The following TIAM1 variants were observed in gnomAD, a reference collection of about 807,000 sequenced individuals.
TIAM1 encodes rho guanine nucleotide exchange factor TIAM1.
In TIAM1, 65 loss-of-function variants were observed where a neutral mutation model predicts 163.5. The observed-to-expected ratio is 0.40, with a 90% CI of 0.33 to 0.49. The LOEUF (loss-of-function observed/expected upper bound fraction) is 0.49, where lower values mean the gene tolerates loss of function less well. Ranked by LOEUF, TIAM1 falls within the 20% of genes least tolerant of loss-of-function variation. The probability of loss-of-function intolerance (pLI) is 0.77; values close to 1 mark genes in which losing one functional copy is unlikely to be tolerated. For synonymous variants in TIAM1, 833 were observed against 810.1 expected (o/e 1.03, Z -0.48); for missense variants, 1,789 against 2,044.7 (o/e 0.87, Z 2.41).
In TIAM1 at chr21:31,266,842, G is replaced by A. The variant is rs374787879; in HGVS notation, c.131C>T (p.Ser44Leu). The change falls in exon 4 of 28, where the codon TCG (serine) becomes TTG (leucine). Residue 44 changes from serine to leucine, a missense_variant. Transcript: ENST00000541036. ...HKTRRTRHAS[S>L]GKVIHRNSEV... ...GGAGTTCCTGTGGATCACCTTCCCC[G>A]AGGAAGCGTGCCTGGTCCTCCGCGT... 1.6e-5 allele frequency: 26 copies of A among 1,614,048 alleles called. No individual in the cohort carries two copies. The highest frequency in any genetic ancestry group is 2.7e-5 in the African/African-American group (2 of 74,938).
chr21:31,193,065 C>G (rs1690458376), intron 13 of TIAM1, among the ~76,000 whole-genome samples: 1 of 152,172 alleles, frequency 6.6e-6, no homozygotes. Flanking sequence ...ACTCAGGCAC[C>G]AACTCTGTTA....
At chr21:31,474,031 G>A (rs1438534494) in intron 1 of TIAM1, among the ~76,000 whole-genome samples, 3 of 152,176 alleles carry the variant, frequency 2.0e-5, no homozygotes, top group Non-Finnish European at 4.4e-5. Context: ...GGCAAAGGGG[G>A]AGCAGACATG....
At chr21:31,245,235 C>T (rs1181960043) in intron 6 of TIAM1, among the ~76,000 whole-genome samples, 1 of 152,106 alleles carries the variant, frequency 6.6e-6, no homozygotes, top group Non-Finnish European at 1.5e-5. Flanking sequence ...GCAAGTTTCT[C>T]ACATCCAACT....
chr21:31,427,491 AAAT>A (rs2147271287), intron 2 of TIAM1, among the ~76,000 whole-genome samples: 1 of 151,928 alleles, frequency 6.6e-6, no homozygotes, highest in South Asian at 2.1e-4. Flanking sequence ...TGTCTCAAAA[AAAT>A]AATAATAAAT....
intron 2 of TIAM1, among the ~76,000 whole-genome samples, chr21:31,328,494 C>G (rs2075567613): frequency 6.6e-6 from 1 of 152,084 alleles, no homozygotes; most frequent in Admixed American, 6.5e-5. Context: ...CCTCAGCCTC[C>G]TGAGTAGCTG....
chr21:31,391,894 G>T (rs1316179472), intron 2 of TIAM1, among the ~76,000 whole-genome samples: 1 of 152,124 alleles, frequency 6.6e-6, no homozygotes. Flanking sequence ...CTTGACAATG[G>T]CACAAAAGCA....
intron 8 of TIAM1, among the ~76,000 whole-genome samples, chr21:31,222,391 C>A (rs546367011): frequency 6.6e-5 from 10 of 152,202 alleles, no homozygotes; most frequent in African/African-American, 2.2e-4. Flanking sequence ...CACAAAGCTG[C>A]TCGCAATTTA....
chr21:31,424,436 G>A (rs1039592401), intron 2 of TIAM1, among the ~76,000 whole-genome samples: 6 of 152,228 alleles, frequency 3.9e-5, no homozygotes, highest in Non-Finnish European at 7.4e-5. Flanking sequence ...CGGTGTAGAC[G>A]TTCCATGGAA....
intron 2 of TIAM1, among the ~76,000 whole-genome samples, chr21:31,384,621 T>C (rs2076835008): frequency 6.6e-6 from 1 of 152,116 alleles, no homozygotes. Context: ...TGAATTATTC[T>C]GTATCGTCTC....
chr21:31,452,731 CT>C lies in TIAM1; in HGVS notation c.-369+11251del, dbSNP rs2044914704. On this transcript the variant is annotated intron_variant, in intron 2 of 28. Coordinates refer to the TIAM1 transcript ENST00000286827. ...AAAAGTAATAAAAGCTCTAATAAATCTACTACAAAGTCACTGCAAAAAGTAG... is the reference window on the plus strand; with the variant it reads ...AAAAGTAATAAAAGCTCTAATAAATCACTACAAAGTCACTGCAAAAAGTAG... 1.3e-5 allele frequency: 6 copies of C among 468,350 alleles called. No individual in the cohort carries two copies. In the Admixed American group the frequency reaches 1.7e-4, roughly 13 times the overall value. The allele number at this position is 468,350 out of a possible 1,614,324, so 29.0% of individuals were successfully genotyped here.
At chr21:31,248,958 T>C (rs948868279) in intron 5 of TIAM1, among the ~76,000 whole-genome samples, 9 of 151,492 alleles carry the variant, frequency 5.9e-5, no homozygotes, top group Non-Finnish European at 1.0e-4. Context: ...CCCTCTGATA[T>C]GTCCCAAGTA....
intron 2 of TIAM1, among the ~76,000 whole-genome samples, chr21:31,428,892 A>T (rs919766254): frequency 6.6e-5 from 10 of 151,936 alleles, no homozygotes; most frequent in African/African-American, 2.4e-4. Context: ...CAAAAAAAAA[A>T]AAAAGTAAAA....
At chr21:31,279,589 G>A (rs1231518244) in intron 2 of TIAM1, among the ~76,000 whole-genome samples, 6 of 152,062 alleles carry the variant, frequency 3.9e-5, no homozygotes, top group Non-Finnish European at 7.3e-5. Context: ...CGTGACTTGG[G>A]GCAAACTCTA....
chr21:31,154,271 C>T lies in TIAM1; in HGVS notation c.3147G>A (p.Leu1049=), dbSNP rs374460622. The T allele has an allele frequency of 5.0e-6, 8 of 1,613,916 alleles. No individual in the cohort carries two copies. Among genetic ancestry groups the T allele is most frequent in the Non-Finnish European group, 6.8e-6 (8 of 1,180,008 alleles). Residue 1049 remains leucine, a synonymous_variant, in exon 17 of 28, where the codon CTG becomes CTA. Transcript: ENST00000541036. The part of the protein sequence containing the change: ...DKLRKVICEL[L]ETERTYVKDL... ...CCTTCACGTAGGTGCGCTCCGTCTC[C>T]AGGAGCTCGCAGATCACCTTGCGCA...
chr21:31,552,048 CTTTTTTTTTTTTTTTT>C (rs200300720), intron 1 of TIAM1, among the ~76,000 whole-genome samples: 1 of 80,116 alleles, frequency 1.2e-5, no homozygotes, highest in Non-Finnish European at 2.2e-5. Flanking sequence ...CTCTGCACTA[CTTTTTTTTTTTTTTTT>C]TTTTTTTTTT....
intron 2 of TIAM1, among the ~76,000 whole-genome samples, chr21:31,438,544 G>A (rs1173260616): frequency 1.3e-5 from 2 of 151,972 alleles, no homozygotes; most frequent in Admixed American, 1.3e-4. Context: ...TGTCAAATAG[G>A]GCACTGGAGA....
Position 31,141,042 on chromosome 21 carries a change from A to AAAAT in TIAM1, c.3774+72_3774+75dup, listed in dbSNP as rs368847669. The AAAAT allele has an allele frequency of 4.1e-4, 479 of 1,180,762 alleles. 2 individuals carry two copies. In the African/African-American group the frequency reaches 5.2e-3, roughly 13 times the overall value. 73.1% of individuals were successfully genotyped at this position (1,180,762 alleles called of 1,614,324 possible). ...TTACTTACAAGTAACACCTTTTTAAAAAATAAATAAATAAATAAAAGCAAA... is the reference window on the plus strand; with the variant it reads ...TTACTTACAAGTAACACCTTTTTAAAAAATAAATAAATAAATAAATAAAAGCAAA... On this transcript the variant is annotated intron_variant, in intron 22 of 27. Coordinates refer to ENST00000541036, the MANE Select transcript of TIAM1 (RefSeq NM_001353694.2). This position sits in a 1 kb window ranked among gnomAD's most constrained non-coding sequence, Gnocchi z 4.7.
chr21:31,136,593 C>G (rs2082630951), intron 22 of TIAM1, among the ~76,000 whole-genome samples: 1 of 152,094 alleles, frequency 6.6e-6, no homozygotes, highest in South Asian at 2.1e-4. Context: ...AAAGGCTCAT[C>G]TTTTTTTTCC....
chr21:31,232,013 C>CA (rs201903436), intron 6 of TIAM1, among the ~76,000 whole-genome samples: 6,413 of 139,084 alleles, frequency 0.046, 358 homozygotes, highest in African/African-American at 0.14. Flanking sequence ...CTCCATCTCA[C>CA]AAAAAAAAAA....
Sources: gnomAD v4.1 joint callset for allele counts (sites outside exome capture counted in the v4.1 genomes callset) on GRCh38, gnomAD v4.1.1 for gene constraint, Gnocchi (gnomAD v3.1) non-coding constraint, MANE v1.5 for transcripts, NCBI Gene and HGNC (gene_info 2026-07-23, HGNC 2026-07-21) for gene names.